PELI2: variants seen among roughly 807,000 people sequenced by gnomAD.
The protein encoded by PELI2 is E3 ubiquitin-protein ligase pellino homolog 2.
Under a neutral mutation model 42.3 loss-of-function variants are expected in PELI2, and 23 were observed. The observed-to-expected ratio is 0.54, with a 90% CI of 0.39 to 0.77. PELI2 has a LOEUF of 0.77. Among genes scored for constraint, PELI2 ranks in the 30% least tolerant of loss-of-function variants. The probability of loss-of-function intolerance (pLI) is 0.00; values close to 1 mark genes in which losing one functional copy is unlikely to be tolerated. For synonymous variants in PELI2, 245 were observed against 212.2 expected (o/e 1.15, Z -1.34); for missense variants, 463 against 553.2 (o/e 0.84, Z 1.64).
chr14:56,228,078 A>G (rs567238005), intron 2 of PELI2, among the ~76,000 whole-genome samples: 50 of 152,364 alleles, frequency 3.3e-4, no homozygotes, highest in Non-Finnish European at 2.8e-4. Context: ...ATGCTTTAAT[A>G]ATTTTATCTG....
rs1885458137 is a variant in PELI2, at chr14:56,178,368, A to C, written c.111A>C (p.Gly37=). The C allele has an allele frequency of 6.2e-7, 1 of 1,613,994 alleles. No individual in the cohort carries two copies. Among genetic ancestry groups the C allele is most frequent in the Non-Finnish European group, 8.5e-7 (1 of 1,179,862 alleles). The change falls in exon 2 of 6, where the codon GGA becomes GGC. Residue 37 remains glycine (G), a synonymous_variant. Transcript: ENST00000267460. ...YNGALPNGDR[G]RRKSRFALYK... ...GTGCTTTACCCAATGGAGATAGAGG[A>C]CGGAGGAAAAGTAGATTTGCCCTCT...
chr14:56,275,583 C>T (rs910442955), intron 2 of PELI2, among the ~76,000 whole-genome samples: 2 of 152,140 alleles, frequency 1.3e-5, no homozygotes, highest in Non-Finnish European at 2.9e-5. Flanking sequence ...TGCGCATTCA[C>T]AATAGGGTTC....
intron 2 of PELI2, among the ~76,000 whole-genome samples, chr14:56,244,466 C>T (rs977073272): frequency 1.3e-5 from 2 of 152,252 alleles, no homozygotes; most frequent in Middle Eastern, 3.4e-3. Context: ...TAATCTTTGT[C>T]GTTGAAACCC....
intron 1 of PELI2, among the ~76,000 whole-genome samples, chr14:56,120,354 A>G (rs1299749912): frequency 6.6e-6 from 1 of 152,190 alleles, no homozygotes; most frequent in East Asian, 1.9e-4. Flanking sequence ...CCTTTTGAGG[A>G]AATCATTGTT....
At chr14:56,214,371 G>A (rs1348736717) in intron 2 of PELI2, among the ~76,000 whole-genome samples, 1 of 152,158 alleles carries the variant, frequency 6.6e-6, no homozygotes, top group African/African-American at 2.4e-5. Flanking sequence ...ATCCATTTTT[G>A]GATGTTGGTG....
chr14:56,178,509 A>C (rs1042903932), intron 2 of PELI2, 45 bp downstream of exon 2: 12 of 1,597,536 alleles, frequency 7.5e-6, no homozygotes, highest in Non-Finnish European at 1.0e-5. Flanking sequence ...GCAAACAGTG[A>C]CTCACAGATA....
Position 56,118,619 on chromosome 14 carries a change from GCGGCGGCGT to G in PELI2, c.-33_-25del, listed in dbSNP as rs1232284060. On this transcript the variant is annotated 5_prime_UTR_variant, in exon 1 of 6. Transcript: ENST00000267460. ...GGACTCGGCGGGGATCGCGGCGGAGGCGGCGGCGTCGGCGGCGGCGTCGGCGGCCGAGCG... is the reference window on the plus strand; with the variant it reads ...GGACTCGGCGGGGATCGCGGCGGAGGCGGCGGCGGCGTCGGCGGCCGAGCG... 7 of 1,237,972 alleles carry G rather than the reference GCGGCGGCGT, an allele frequency of 5.7e-6. No homozygotes were observed. The highest frequency in any genetic ancestry group is 3.4e-5 in the East Asian group (1 of 29,800). The allele number at this position is 1,237,972 out of a possible 1,614,324, so 76.7% of individuals were successfully genotyped here.
intron 2 of PELI2, among the ~76,000 whole-genome samples, chr14:56,227,215 C>G (rs949167888): frequency 6.6e-6 from 1 of 152,148 alleles, no homozygotes; most frequent in Non-Finnish European, 1.5e-5. Context: ...TGGGCCAGGG[C>G]AGGCCAGCTG....
chr14:56,125,480 AAAT>A, intron 1 of PELI2, among the ~76,000 whole-genome samples: 2 of 152,154 alleles, frequency 1.3e-5, no homozygotes, highest in South Asian at 4.2e-4. Flanking sequence ...CTTTTGGACA[AAAT>A]AATCAGGAAA....
chr14:56,230,633 C>G (rs945329448), intron 2 of PELI2, among the ~76,000 whole-genome samples: 1 of 152,184 alleles, frequency 6.6e-6, no homozygotes, highest in Non-Finnish European at 1.5e-5. Context: ...CTGGTACCAG[C>G]CACTGCAAAA....
chr14:56,160,419 A>T (rs1884718401), intron 1 of PELI2, among the ~76,000 whole-genome samples: 1 of 152,168 alleles, frequency 6.6e-6, no homozygotes, highest in South Asian at 2.1e-4. Context: ...ACTTCGGGTG[A>T]GGGTAGGGGG....
chr14:56,189,669 G>T (rs1165288849), intron 2 of PELI2, among the ~76,000 whole-genome samples: 1 of 152,222 alleles, frequency 6.6e-6, no homozygotes, highest in Non-Finnish European at 1.5e-5. Context: ...ATACATAGGT[G>T]TAGGATATGA....
intron 2 of PELI2, among the ~76,000 whole-genome samples, chr14:56,235,650 G>A (rs76637726): frequency 0.015 from 2,251 of 152,356 alleles, 62 homozygotes; most frequent in African/African-American, 0.051. Flanking sequence ...AGTGGTACAA[G>A]CAATACTTGT....
chr14:56,118,631 G>T lies in PELI2; in HGVS notation c.-30G>T, dbSNP rs1307800954. The T allele has an allele frequency of 6.0e-6, 8 of 1,334,972 alleles. No individual in the cohort carries two copies. Among genetic ancestry groups the T allele is most frequent in the Admixed American group, 3.5e-5 (1 of 28,284 alleles). 82.7% of individuals were successfully genotyped at this position (1,334,972 alleles called of 1,614,324 possible). ...GATCGCGGCGGAGGCGGCGGCGTCG[G>T]CGGCGGCGTCGGCGGCCGAGCGGGG... On this transcript the variant is annotated 5_prime_UTR_variant, in exon 1 of 6. Transcript: ENST00000267460.
chr14:56,223,028 G>GTAAA (rs2139753349), intron 2 of PELI2, among the ~76,000 whole-genome samples: 1 of 152,242 alleles, frequency 6.6e-6, no homozygotes, highest in South Asian at 2.1e-4. Flanking sequence ...AGAGGAAGGG[G>GTAAA]TAAATGGCTG....
intron 2 of PELI2, among the ~76,000 whole-genome samples, chr14:56,244,287 T>C (rs1208553431): frequency 6.6e-6 from 1 of 152,200 alleles, no homozygotes; most frequent in East Asian, 1.9e-4. Flanking sequence ...AAATCGTTGA[T>C]CAAATACTGC....
At chr14:56,183,386 T>A (rs1266726869) in intron 2 of PELI2, among the ~76,000 whole-genome samples, 2 of 152,128 alleles carry the variant, frequency 1.3e-5, no homozygotes, top group Non-Finnish European at 2.9e-5. Context: ...TCCAAAAAAT[T>A]GAAATAACAA....
chr14:56,247,358 T>C (rs1888200367), intron 2 of PELI2, among the ~76,000 whole-genome samples: 1 of 152,242 alleles, frequency 6.6e-6, no homozygotes, highest in South Asian at 2.1e-4. Context: ...TTAATTTATT[T>C]AGCTGTCCCC....
intron 2 of PELI2, among the ~76,000 whole-genome samples, chr14:56,270,332 T>G (rs1889057945): frequency 6.6e-6 from 1 of 152,236 alleles, no homozygotes; most frequent in Non-Finnish European, 1.5e-5. Context: ...TAGAATATTT[T>G]AAAGAGTGTG....
Sources: allele counts gnomAD v4.1 joint callset (sites outside exome capture counted in the v4.1 genomes callset), GRCh38; gene constraint gnomAD v4.1.1; transcripts MANE v1.5; gene names NCBI Gene and HGNC (gene_info 2026-07-23, HGNC 2026-07-21).